Variants in B4GALT1 observed in about 807,000 individuals in gnomAD.
B4GALT1 encodes N-acetyllactosamine synthase.
In B4GALT1, 16 loss-of-function variants were observed where a neutral mutation model predicts 34.9. That is an observed-to-expected ratio of 0.46 (90% CI 0.31 to 0.70). The LOEUF is 0.70. Among genes scored for constraint, B4GALT1 ranks in the 30% least tolerant of loss-of-function variants. The pLI is 0.05. For synonymous variants in B4GALT1, 221 were observed against 218.1 expected, an observed-to-expected ratio of 1.01 and a Z score of -0.12; for missense variants, 445 against 530.5, an observed-to-expected ratio of 0.84 and a Z score of 1.58.
chr9:33,120,443 A>G lies in B4GALT1; in HGVS notation c.812T>C (p.Val271Ala). The G allele has an allele frequency of 6.2e-7, 1 of 1,613,544 alleles. No homozygotes were observed. ...CCTGAATCCAAACTTATCCATTGCA[A>G]CGGAAATGTGCCGTGGCTGTGAAAA... is the stretch of plus-strand genomic sequence containing the variant. ...RCFSQPRHISVAMDKFGFSLP... is the reference protein window; with the variant it reads ...RCFSQPRHISAAMDKFGFSLP... The change falls in exon 3 of 6, where the codon GTT becomes GCT. Residue 271 changes from valine (V) to alanine (A), a missense_variant. Physicochemically the swap from Val to Ala is moderately conservative, Grantham distance 64 (BLOSUM62 0). Coordinates refer to ENST00000379731, the MANE Select transcript of B4GALT1 (RefSeq NM_001497.4).
At chr9:33,184,229 CAAAAT>C in the B4GALT1 span, among the ~76,000 whole-genome samples, 6 of 145,042 alleles carry the variant, frequency 4.1e-5, no homozygotes, top group Non-Finnish European at 9.0e-5. Flanking sequence ...AAAAATAAAA[CAAAAT>C]AAAATAAAGT....
intron 2 of B4GALT1, among the ~76,000 whole-genome samples, chr9:33,122,026 C>A (rs10971418): frequency 0.2 from 30,106 of 152,072 alleles, 3,291 homozygotes; most frequent in East Asian, 0.47. Context: ...TTATCCTAAC[C>A]AGAATCTTCA....
chr9:33,152,725 T>G (rs1424459538), intron 1 of B4GALT1, among the ~76,000 whole-genome samples: 1 of 151,830 alleles, frequency 6.6e-6, no homozygotes, highest in Non-Finnish European at 1.5e-5. Context: ...AATACAAATA[T>G]TAGCCAGGTG....
At chr9:33,164,561 G>A (rs1020988200) in intron 1 of B4GALT1, among the ~76,000 whole-genome samples, 3 of 152,208 alleles carry the variant, frequency 2.0e-5, no homozygotes, top group Non-Finnish European at 4.4e-5. Flanking sequence ...TTCTTTCTCA[G>A]GAAGTCCTTT....
chr9:33,173,782 A>G, the B4GALT1 span, among the ~76,000 whole-genome samples: 81 of 152,282 alleles, frequency 5.3e-4, no homozygotes, highest in Non-Finnish European at 8.5e-4. Flanking sequence ...ATATTACAAG[A>G]TGAACCTGGA....
intron 1 of B4GALT1, among the ~76,000 whole-genome samples, chr9:33,141,985 CT>C (rs894913902): frequency 1.3e-5 from 2 of 149,936 alleles, no homozygotes; most frequent in African/African-American, 4.9e-5. Context: ...TGATTTCTTT[CT>C]TTTTTTTTTC....
intron 1 of B4GALT1, among the ~76,000 whole-genome samples, chr9:33,142,647 C>A (rs1043845555): frequency 6.6e-6 from 1 of 152,074 alleles, no homozygotes; most frequent in Non-Finnish European, 1.5e-5. Flanking sequence ...GACAGTTTCT[C>A]GCTCTGTTAC....
intron 1 of B4GALT1, among the ~76,000 whole-genome samples, chr9:33,140,806 G>C (rs928582394): frequency 3.3e-5 from 5 of 152,252 alleles, no homozygotes; most frequent in Non-Finnish European, 7.3e-5. Flanking sequence ...AGCTGAGCCA[G>C]GCATTACCAC....
At chr9:33,169,347 C>T (rs1840817713), upstream of B4GALT1, among the ~76,000 whole-genome samples, 1 of 152,160 alleles carries the variant, frequency 6.6e-6, no homozygotes, top group African/African-American at 2.4e-5. Flanking sequence ...TTGAACTTGC[C>T]ATATTTCTTC....
At chr9:33,143,712 C>T (rs979316662) in intron 1 of B4GALT1, among the ~76,000 whole-genome samples, 1 of 152,168 alleles carries the variant, frequency 6.6e-6, no homozygotes, top group African/African-American at 2.4e-5. Flanking sequence ...TATTAACTAC[C>T]ACTTCCCTCC....
rs35406954 is a variant in B4GALT1 at position 33,121,526 on chromosome 9, CTTTTT to C, written c.649-925_649-921del. Among the ~76,000 whole-genome samples the C allele has an allele frequency of 5.0e-3, 656 of 130,720 alleles. 3 individuals carry two copies. Among genetic ancestry groups the C allele is most frequent in the African/African-American group, 0.013 (461 of 34,960 alleles). The allele number at this position is 130,720 out of a possible 152,430, so 85.8% of individuals were successfully genotyped here. A position where few individuals can be genotyped will look rare whatever the true frequency, so the allele number is the denominator to read the frequency against. ...TACAGGCATGTGCCACCATGCCCGG[CTTTTT>C]TTTTTTTTTTTTTTTAATTTTCAGT... is the stretch of plus-strand genomic sequence containing the variant. On this transcript the variant is annotated intron_variant, in intron 2 of 5. Coordinates refer to ENST00000379731, the MANE Select transcript of B4GALT1 (RefSeq NM_001497.4).
At chr9:33,128,914 A>ACT (rs1446160169) in intron 2 of B4GALT1, among the ~76,000 whole-genome samples, 1 of 152,048 alleles carries the variant, frequency 6.6e-6, no homozygotes, top group African/African-American at 2.4e-5. Context: ...GGTGACAGAT[A>ACT]CTCTTGCTCA....
chr9:33,116,380 T>C (rs1254644072), intron 3 of B4GALT1, among the ~76,000 whole-genome samples: 1 of 151,982 alleles, frequency 6.6e-6, no homozygotes, highest in East Asian at 1.9e-4. Flanking sequence ...TACAGGCGCC[T>C]GCCACCACGC....
chr9:33,158,977 A>G (rs1840637851), intron 1 of B4GALT1, among the ~76,000 whole-genome samples: 2 of 152,190 alleles, frequency 1.3e-5, no homozygotes, highest in African/African-American at 4.8e-5. Flanking sequence ...AATTCTACCT[A>G]TTCTTGGGCA....
At chr9:33,106,979 C>T (rs578196730), downstream of B4GALT1, among the ~76,000 whole-genome samples, 2 of 152,258 alleles carry the variant, frequency 1.3e-5, no homozygotes, top group South Asian at 4.1e-4. Context: ...CCCAAATACA[C>T]CGTGATATCA....
chr9:33,184,253 T>TACACACACACACACACACACACACAC, the B4GALT1 span, among the ~76,000 whole-genome samples: 12 of 147,114 alleles, frequency 8.2e-5, no homozygotes, highest in Admixed American at 2.7e-4. Context: ...GTCACTCTTG[T>TACACACACACACACACACACACACAC]ACACACACAC....
chr9:33,130,558 C>A (rs1426761102), intron 2 of B4GALT1, among the ~76,000 whole-genome samples: 2 of 150,662 alleles, frequency 1.3e-5, no homozygotes, highest in African/African-American at 2.5e-5. Context: ...CCTTCAATAT[C>A]CTTATTTTAA....
At chr9:33,138,736 C>T (rs1045041968) in intron 1 of B4GALT1, among the ~76,000 whole-genome samples, 2 of 152,160 alleles carry the variant, frequency 1.3e-5, no homozygotes, top group African/African-American at 4.8e-5. Flanking sequence ...GACCTCACAG[C>T]CAACAGAACA....
rs140386647 is a variant in B4GALT1 at position 33,113,940 on chromosome 9, C to T, written c.960-62G>A. 33 of 1,466,206 alleles carry T rather than the reference C, an allele frequency of 2.3e-5. No homozygotes were observed. In the South Asian group the frequency reaches 2.4e-4, roughly 11 times the overall value. The allele number at this position is 1,466,206 out of a possible 1,614,324, so 90.8% of individuals were successfully genotyped here. On this transcript the variant is annotated intron_variant, in intron 4 of 5. Coordinates refer to ENST00000379731, the MANE Select transcript of B4GALT1 (RefSeq NM_001497.4). ...TGCCATACACTTGGCCTGAGAGCCC[C>T]GGCTGCAAGACTGTTGCTCCATCCA...
Sources: allele counts gnomAD v4.1 joint callset (sites outside exome capture counted in the v4.1 genomes callset), GRCh38; gene constraint gnomAD v4.1.1; transcripts MANE v1.5; gene names NCBI Gene and HGNC (gene_info 2026-07-23, HGNC 2026-07-21).